SHANK2: variants seen among roughly 807,000 people sequenced by gnomAD.
The protein encoded by SHANK2 is SH3 and multiple ankyrin repeat domains 2.
Under a neutral mutation model 133.7 loss-of-function variants are expected in SHANK2, and 43 were observed. That is an observed-to-expected ratio of 0.32 (90% CI 0.25 to 0.41). The LOEUF is 0.41. Among genes scored for constraint, SHANK2 ranks in the 10% least tolerant of loss-of-function variants. SHANK2 has a pLI of 1.00. For missense variants in SHANK2, 1,994 were observed against 2,235.8 expected (o/e 0.89, Z 2.18); for synonymous variants, 1,017 against 952.8 (o/e 1.07, Z -1.24).
chr11:71,111,730 T>C (rs537394285), intron 5 of SHANK2, among the ~76,000 whole-genome samples: 12 of 152,238 alleles, frequency 7.9e-5, no homozygotes, highest in Non-Finnish European at 1.6e-4. Context: ...ACTGATCAAA[T>C]GCCCTCAAAC....
At position 71,221,455 on chromosome 11, in the gene SHANK2, T is replaced by C. The variant is rs536542800; in HGVS notation, c.-13+3242A>G. On this transcript the variant is annotated intron_variant, in intron 2 of 25. Transcript: ENST00000601538. ...CCCTGGCAAATGCCGCTTGATCCCC[T>C]GTTTCCCCACCCAGGAGGGTGCTCT... is the stretch of plus-strand genomic sequence containing the variant. 4.2e-4 allele frequency among the ~76,000 whole-genome samples: 64 copies of C among 152,190 alleles called. No homozygotes were observed. In the South Asian group the frequency reaches 0.013, roughly 32 times the overall value.
chr11:71,233,035 G>T (rs1288070558), intron 1 of SHANK2, among the ~76,000 whole-genome samples: 1 of 152,088 alleles, frequency 6.6e-6, no homozygotes, highest in Admixed American at 6.5e-5. Flanking sequence ...ATGTAGGCCA[G>T]CCACAGTGAC....
intron 12 of SHANK2, among the ~76,000 whole-genome samples, chr11:70,809,223 G>A (rs557936997): frequency 1.1e-4 from 17 of 152,336 alleles, no homozygotes; most frequent in East Asian, 9.6e-4. Context: ...CCAACAGGGC[G>A]CCTGGCTGCA....
At chr11:71,124,889 A>T (rs562605484) in intron 3 of SHANK2, among the ~76,000 whole-genome samples, 2 of 152,324 alleles carry the variant, frequency 1.3e-5, no homozygotes, top group South Asian at 4.2e-4. Flanking sequence ...CTCCAACAGC[A>T]CACGCTCACT....
At chr11:70,625,077 C>T (rs534785919) in intron 17 of SHANK2, among the ~76,000 whole-genome samples, 1 of 152,278 alleles carries the variant, frequency 6.6e-6, no homozygotes, top group African/African-American at 2.4e-5. Flanking sequence ...ACTAAAAGCA[C>T]CTATGCTCAC....
At position 70,952,717 on chromosome 11, in the gene SHANK2, C is replaced by G. The variant is rs565506231; in HGVS notation, c.1108-56150G>C. Reference sequence around the variant, plus strand: ...TGCTTCAGGGCAGCACTCTGGGGGACGCAGATGGCAGGGCGGCCCTGGCTT... The same window carrying G: ...TGCTTCAGGGCAGCACTCTGGGGGAGGCAGATGGCAGGGCGGCCCTGGCTT... On this transcript the variant is annotated intron_variant, in intron 10 of 25. Coordinates refer to ENST00000601538, the MANE Select transcript of SHANK2 (RefSeq NM_012309.5). 3 of 409,852 alleles carry G rather than the reference C, an allele frequency of 7.3e-6. No homozygotes were observed. The East Asian group carries it at 2.4e-4, about 33-fold the overall frequency. The allele number at this position is 409,852 out of a possible 1,614,324, so 25.4% of individuals were successfully genotyped here.
intron 11 of SHANK2, among the ~76,000 whole-genome samples, chr11:70,848,287 T>C (rs7129119): frequency 0.043 from 6,556 of 152,208 alleles, 417 homozygotes; most frequent in African/African-American, 0.15. Flanking sequence ...CCTTACAGCA[T>C]GGGCTAAAAG....
intron 14 of SHANK2, among the ~76,000 whole-genome samples, chr11:70,747,321 G>C (rs1555036442): frequency 6.6e-6 from 1 of 152,150 alleles, no homozygotes; most frequent in African/African-American, 2.4e-5. Flanking sequence ...TGGGCAGCAG[G>C]GATGGGAGGG....
At chr11:70,520,685 C>T (rs2059319521) in intron 17 of SHANK2, among the ~76,000 whole-genome samples, 1 of 152,218 alleles carries the variant, frequency 6.6e-6, no homozygotes, top group Non-Finnish European at 1.5e-5. Context: ...TTACACACCA[C>T]CTCCTTGAGG....
chr11:70,849,495 T>TA, intron 11 of SHANK2, among the ~76,000 whole-genome samples: 1 of 152,250 alleles, frequency 6.6e-6, no homozygotes, highest in Admixed American at 6.5e-5. Flanking sequence ...GTGTAGGAAG[T>TA]GGGTGCCTGG....
At position 71,060,823 on chromosome 11, in the gene SHANK2, G is replaced by A. The variant is rs962516621; in HGVS notation, c.1030-4265C>T. Reference sequence around the variant, plus strand: ...ACAACGTGTGAGTCTGCAAGAGCATGCAGCAGCCGATATAGGGTGACGCTC... The same window carrying A: ...ACAACGTGTGAGTCTGCAAGAGCATACAGCAGCCGATATAGGGTGACGCTC... On this transcript the variant is annotated intron_variant, in intron 9 of 25. Coordinates refer to ENST00000601538, the MANE Select transcript of SHANK2 (RefSeq NM_012309.5). Among the ~76,000 whole-genome samples, 1,389 of 152,302 alleles carry A rather than the reference G, an allele frequency of 9.1e-3. 19 individuals are homozygous for A. The highest frequency in any genetic ancestry group is 0.032 in the African/African-American group (1,327 of 41,534).
intron 14 of SHANK2, among the ~76,000 whole-genome samples, chr11:70,746,991 G>A (rs1462791265): frequency 5.0e-5 from 4 of 79,730 alleles, no homozygotes; most frequent in Non-Finnish European, 1.0e-4. Context: ...CTCCATCCCT[G>A]CACCCCCCTA....
intron 11 of SHANK2, chr11:70,896,255 A>G (rs1400063391): frequency 2.4e-6 from 1 of 423,530 alleles, no homozygotes; most frequent in African/African-American, 2.0e-5. Context: ...ATAGATCAGA[A>G]CATCATCCTT....
chr11:70,697,467 G>A lies in SHANK2; in HGVS notation c.1853+1221C>T, dbSNP rs569365577. Among the ~76,000 whole-genome samples the A allele has an allele frequency of 2.0e-5, 3 of 152,310 alleles. No individual in the cohort carries two copies. In the East Asian group the frequency reaches 5.8e-4, roughly 29 times the overall value. On this transcript the variant is annotated intron_variant, in intron 15 of 25. Transcript: ENST00000601538. ...GCAGAGCCCACAGACAGAAGCAGGTGGGTGGGTGCGAGGGGCAATGGGAGT... is the reference window on the plus strand; with the variant it reads ...GCAGAGCCCACAGACAGAAGCAGGTAGGTGGGTGCGAGGGGCAATGGGAGT...
intron 14 of SHANK2, among the ~76,000 whole-genome samples, chr11:70,716,481 G>A (rs560496207): frequency 1.3e-5 from 2 of 152,342 alleles, no homozygotes; most frequent in South Asian, 4.1e-4. Context: ...TGGGAAGACA[G>A]CTGCTTCTTT....
intron 17 of SHANK2, among the ~76,000 whole-genome samples, chr11:70,556,392 T>TC (rs1565126774): frequency 0.029 from 424 of 14,500 alleles, 4 homozygotes; most frequent in Middle Eastern, 0.083. Flanking sequence ...TCTTTCTTTC[T>TC]TTCTCTCTCT....
chr11:71,081,085 C>T (rs1004835465), intron 8 of SHANK2, among the ~76,000 whole-genome samples: 1 of 152,096 alleles, frequency 6.6e-6, no homozygotes. Context: ...ATTAGGGGGC[C>T]CCTAATCCCA....
At chr11:70,875,598 C>T (rs183917408) in intron 11 of SHANK2, among the ~76,000 whole-genome samples, 1 of 152,072 alleles carries the variant, frequency 6.6e-6, no homozygotes, top group Admixed American at 6.5e-5. Context: ...TGGTGACTCA[C>T]GCCTGCAATC....
intron 17 of SHANK2, among the ~76,000 whole-genome samples, chr11:70,623,172 T>C (rs1187352733): frequency 1.3e-5 from 2 of 148,804 alleles, no homozygotes; most frequent in African/African-American, 5.0e-5. Context: ...CGAGATTTCG[T>C]CTCAATCAAA....
Sources: gnomAD v4.1 joint callset for allele counts (sites outside exome capture counted in the v4.1 genomes callset) on GRCh38, gnomAD v4.1.1 for gene constraint, MANE v1.5 for transcripts, NCBI Gene and HGNC (gene_info 2026-07-23, HGNC 2026-07-21) for gene names.